TRDN: variants seen among roughly 807,000 people sequenced by gnomAD.
TRDN encodes triadin in skeletal muscle.
TRDN carries 161 observed loss-of-function variants against 149.7 expected under a neutral mutation model. The observed-to-expected ratio is 1.08, with a 90% CI of 0.95 to 1.23. The LOEUF (loss-of-function observed/expected upper bound fraction) is 1.23. Among genes scored for constraint, TRDN ranks in the 50% most tolerant of loss-of-function variants. The pLI is 0.00. For synonymous variants in TRDN, 294 were observed against 250.5 expected, an observed-to-expected ratio of 1.17 and a Z score of -1.64; for missense variants, 896 against 823.5, an observed-to-expected ratio of 1.09 and a Z score of -1.08.
At chr6:123,274,529 G>A (rs1777306816) in intron 27 of TRDN, 112 bp downstream of exon 27, 1 of 893,316 alleles carries the variant, frequency 1.1e-6, no homozygotes, top group African/African-American at 1.7e-5. Context: ...AAATAATGAG[G>A]AACTTGGAGA....
intron 1 of TRDN, among the ~76,000 whole-genome samples, chr6:123,590,388 C>T (rs1783720786): frequency 6.6e-6 from 1 of 152,154 alleles, no homozygotes; most frequent in Non-Finnish European, 1.5e-5. Flanking sequence ...TGTCCAGTTA[C>T]AGGGAACACA....
chr6:123,386,268 T>C (rs1223007937), intron 14 of TRDN, among the ~76,000 whole-genome samples: 1 of 152,148 alleles, frequency 6.6e-6, no homozygotes, highest in African/African-American at 2.4e-5. Flanking sequence ...TATTTTTAAT[T>C]GGTAGTATCA....
Position 123,497,204 on chromosome 6 carries a change from T to A in TRDN, c.842A>T (p.Asp281Val), listed in dbSNP as rs1286724036. The stretch of plus-strand genomic sequence containing the variant: ...ATTGCTTGGAATACCTGGTTTTAAA[T>A]CCCCATGGACAAATATGTCAATCAT... ...RYMIDIFVHG[D>V]LKPGQSPAIP... is the part of the protein sequence containing the mutation. Residue 281 changes from aspartate to valine, a missense_variant, in exon 9 of 41, where the codon GAT (aspartate) becomes GTT (valine). Coordinates refer to ENST00000334268, the MANE Select transcript of TRDN (RefSeq NM_006073.4). 1.9e-6 allele frequency: 3 copies of A among 1,554,726 alleles called. No individual in the cohort carries two copies. In the Admixed American group the frequency reaches 6.0e-5, roughly 31 times the overall value.
chr6:123,424,634 T>C (rs994217304), intron 12 of TRDN, among the ~76,000 whole-genome samples: 2 of 152,156 alleles, frequency 1.3e-5, no homozygotes, highest in Non-Finnish European at 2.9e-5. Flanking sequence ...GTGAGTTCTA[T>C]TGGAAATGGA....
At chr6:123,465,603 A>AAAAG (rs1776748967) in intron 9 of TRDN, among the ~76,000 whole-genome samples, 5 of 131,740 alleles carry the variant, frequency 3.8e-5, no homozygotes, top group African/African-American at 1.6e-4. Context: ...AAAAAAAAAA[A>AAAAG]AGAGAGAGAG....
chr6:123,628,901 T>C (rs949145013), intron 1 of TRDN, among the ~76,000 whole-genome samples: 1 of 152,108 alleles, frequency 6.6e-6, no homozygotes, highest in African/African-American at 2.4e-5. Flanking sequence ...ATTAATACCA[T>C]AGAATCTAAA....
At chr6:123,398,771 C>A (rs761351372) in intron 12 of TRDN, among the ~76,000 whole-genome samples, 3 of 152,088 alleles carry the variant, frequency 2.0e-5, no homozygotes, top group Non-Finnish European at 4.4e-5. Flanking sequence ...CCTGTGTGAC[C>A]AAGGGGACTG....
At chr6:123,265,224 A>T (rs1776898707) in intron 33 of TRDN, 94 bp downstream of exon 33, 1 of 966,130 alleles carries the variant, frequency 1.0e-6, no homozygotes, top group Non-Finnish European at 1.5e-6. Flanking sequence ...TAACAAACAG[A>T]CCATACTATT....
chr6:123,504,571 C>T (rs1263892341), intron 7 of TRDN, among the ~76,000 whole-genome samples: 1 of 151,890 alleles, frequency 6.6e-6, no homozygotes, highest in African/African-American at 2.4e-5. Flanking sequence ...AGCGATAATT[C>T]TACTAGTTTT....
chr6:123,424,879 G>C (rs1365050847), intron 12 of TRDN, among the ~76,000 whole-genome samples: 6 of 152,066 alleles, frequency 3.9e-5, no homozygotes, highest in Non-Finnish European at 7.4e-5. Context: ...GTGCCTAAGT[G>C]GCTATGATGA....
At chr6:123,319,000 G>A (rs777149778) in intron 23 of TRDN, among the ~76,000 whole-genome samples, 9 of 151,876 alleles carry the variant, frequency 5.9e-5, no homozygotes, top group Non-Finnish European at 7.4e-5. Context: ...ATGAAGAGTC[G>A]GTTTTTGGGT....
chr6:123,512,698 T>C (rs1420444723), intron 6 of TRDN, among the ~76,000 whole-genome samples: 1 of 152,190 alleles, frequency 6.6e-6, no homozygotes, highest in African/African-American at 2.4e-5. Flanking sequence ...TCATTATGTG[T>C]ATTTTTAAAT....
chr6:123,480,854 T>A (rs772379207), intron 9 of TRDN, among the ~76,000 whole-genome samples: 3 of 152,090 alleles, frequency 2.0e-5, no homozygotes, highest in Non-Finnish European at 4.4e-5. Context: ...CTATCTTTGC[T>A]GGTTGTTTGA....
chr6:123,589,794 C>T (rs1783693791), intron 1 of TRDN, among the ~76,000 whole-genome samples: 1 of 152,134 alleles, frequency 6.6e-6, no homozygotes. Context: ...AAAGCTTCTG[C>T]TTAAGACTGT....
chr6:123,487,102 G>A (rs34734278), intron 9 of TRDN, among the ~76,000 whole-genome samples: 3,074 of 151,882 alleles, frequency 0.02, 58 homozygotes, highest in South Asian at 0.047. Flanking sequence ...CAGTAAATAA[G>A]AGCCAACACT....
intron 1 of TRDN, among the ~76,000 whole-genome samples, chr6:123,614,300 C>CAAAAAA (rs1199509406): frequency 3.0e-5 from 3 of 99,858 alleles, no homozygotes; most frequent in Middle Eastern, 7.2e-3. Flanking sequence ...AAAAAAAAAA[C>CAAAAAA]AAAAAAAAAA....
At chr6:123,387,364 T>A (rs557550928) in intron 14 of TRDN, among the ~76,000 whole-genome samples, 2 of 152,158 alleles carry the variant, frequency 1.3e-5, no homozygotes, top group Admixed American at 1.3e-4. Context: ...AATGTTAACA[T>A]AAATAACATA....
At chr6:123,502,303 C>A in intron 8 of TRDN, 1 of 845,090 alleles carries the variant, frequency 1.2e-6, no homozygotes, top group Non-Finnish European at 1.4e-6. Context: ...TCATTAATGA[C>A]ATAATTTTGA....
intron 7 of TRDN, among the ~76,000 whole-genome samples, chr6:123,506,832 G>A (rs893048416): frequency 8.5e-5 from 13 of 152,178 alleles, no homozygotes; most frequent in African/African-American, 2.9e-4. Flanking sequence ...GTCTTCCCAT[G>A]AGCTTCCATT....
Sources: gnomAD v4.1 joint callset for allele counts (sites outside exome capture counted in the v4.1 genomes callset) on GRCh38, gnomAD v4.1.1 for gene constraint, MANE v1.5 for transcripts, NCBI Gene and HGNC (gene_info 2026-07-23, HGNC 2026-07-21) for gene names.